Variants in LRRC4C observed in about 807,000 individuals in gnomAD.
LRRC4C encodes the protein leucine rich repeat containing 4C.
Under a neutral mutation model 33.6 loss-of-function variants are expected in LRRC4C, and 5 were observed. The observed-to-expected ratio is 0.15, with a 90% CI of 0.08 to 0.31. The LOEUF is 0.31. LRRC4C is among the 10% of genes least tolerant of loss of function. The pLI is 1.00. For synonymous variants in LRRC4C, 329 were observed against 302.0 expected (o/e 1.09, Z -0.93); for missense variants, 560 against 796.7 (o/e 0.70, Z 3.58).
At chr11:41,224,771 G>T (rs931055805) in intron 1 of LRRC4C, among the ~76,000 whole-genome samples, 15 of 152,112 alleles carry the variant, frequency 9.9e-5, no homozygotes, top group Admixed American at 2.6e-4. Flanking sequence ...ATCATATAAG[G>T]TATTCAAAAA....
At chr11:41,188,396 C>A (rs565838627) in intron 1 of LRRC4C, among the ~76,000 whole-genome samples, 3 of 152,022 alleles carry the variant, frequency 2.0e-5, no homozygotes, top group Admixed American at 6.6e-5. Context: ...AGCAGCATAG[C>A]GTAACAAGGA....
chr11:40,493,536 AGAAT>A (rs1954269576), intron 3 of LRRC4C, among the ~76,000 whole-genome samples: 1 of 152,284 alleles, frequency 6.6e-6, no homozygotes, highest in East Asian at 1.9e-4. Context: ...GGAGCTTCTC[AGAAT>A]GAATGAGTAA....
intron 5 of LRRC4C, among the ~76,000 whole-genome samples, chr11:40,143,805 C>G (rs1590508080): frequency 6.6e-6 from 1 of 152,246 alleles, no homozygotes; most frequent in South Asian, 2.1e-4. Flanking sequence ...TTTCTGTCTC[C>G]TCCAACTAGA....
intron 3 of LRRC4C, among the ~76,000 whole-genome samples, chr11:40,327,768 C>T (rs953521151): frequency 2.0e-5 from 3 of 151,962 alleles, no homozygotes; most frequent in African/African-American, 4.8e-5. Flanking sequence ...ATATCTCAAG[C>T]GGAATTCATA....
intron 1 of LRRC4C, among the ~76,000 whole-genome samples, chr11:41,094,169 A>C (rs1190355210): frequency 4.0e-5 from 6 of 151,596 alleles, no homozygotes; most frequent in Admixed American, 3.3e-4. Flanking sequence ...TCTCAAAAGC[A>C]CTTCCTCTTA....
intron 5 of LRRC4C, among the ~76,000 whole-genome samples, chr11:40,148,566 A>G (rs1857932964): frequency 6.6e-6 from 1 of 152,176 alleles, no homozygotes. Context: ...AGTTCCTTAT[A>G]GATGCTGGAT....
intron 1 of LRRC4C, among the ~76,000 whole-genome samples, chr11:41,283,916 C>A (rs1949744302): frequency 6.6e-6 from 1 of 152,178 alleles, no homozygotes; most frequent in Admixed American, 6.5e-5. Context: ...TAGTACCTAT[C>A]TTTTAGGGTT....
chr11:40,405,373 C>T (rs1295242927), intron 3 of LRRC4C, among the ~76,000 whole-genome samples: 6 of 151,934 alleles, frequency 3.9e-5, no homozygotes, highest in South Asian at 4.1e-4. Context: ...TGGTGGCTCA[C>T]GCCTGTAATC....
intron 1 of LRRC4C, among the ~76,000 whole-genome samples, chr11:40,934,531 C>T (rs1957781440): frequency 6.6e-6 from 1 of 152,156 alleles, no homozygotes; most frequent in Non-Finnish European, 1.5e-5. Context: ...GTTAGTACTG[C>T]TATAGTTTAC....
chr11:40,974,076 T>C (rs902326696), intron 1 of LRRC4C, among the ~76,000 whole-genome samples: 2 of 152,174 alleles, frequency 1.3e-5, no homozygotes, highest in African/African-American at 4.8e-5. Flanking sequence ...GTTTAGAAAG[T>C]ATTTTTAAAC....
At chr11:40,605,369 A>C (rs922153646) in intron 3 of LRRC4C, among the ~76,000 whole-genome samples, 1 of 152,186 alleles carries the variant, frequency 6.6e-6, no homozygotes, top group African/African-American at 2.4e-5. Flanking sequence ...GTGGGACGGC[A>C]GAATAGGAAG....
At chr11:40,267,852 G>A (rs1942396082) in intron 4 of LRRC4C, among the ~76,000 whole-genome samples, 1 of 152,154 alleles carries the variant, frequency 6.6e-6, no homozygotes, top group African/African-American at 2.4e-5. Flanking sequence ...TGTTAGGCTT[G>A]TATCCTAAAA....
intron 2 of LRRC4C, among the ~76,000 whole-genome samples, chr11:40,903,979 G>C (rs887954002): frequency 6.6e-6 from 1 of 151,834 alleles, no homozygotes; most frequent in Non-Finnish European, 1.5e-5. Context: ...AAATACCAGT[G>C]GCAGAAGTAA....
chr11:41,001,307 C>T (rs544553997), intron 1 of LRRC4C, among the ~76,000 whole-genome samples: 52 of 152,232 alleles, frequency 3.4e-4, no homozygotes, highest in African/African-American at 1.2e-3. Context: ...AAAAATGAAT[C>T]ATGTCTTAAG....
intron 1 of LRRC4C, among the ~76,000 whole-genome samples, chr11:40,997,990 A>C (rs1854103349): frequency 6.6e-6 from 1 of 152,096 alleles, no homozygotes; most frequent in Admixed American, 6.6e-5. Flanking sequence ...GACTGCTTTG[A>C]GAACATTACT....
chr11:40,999,673 T>C (rs1854230856), intron 1 of LRRC4C, among the ~76,000 whole-genome samples: 1 of 152,114 alleles, frequency 6.6e-6, no homozygotes, highest in African/African-American at 2.4e-5. Context: ...TAAATCAAAA[T>C]ATTGGCTAGA....
chr11:41,129,475 A>T (rs1942911518), intron 1 of LRRC4C, among the ~76,000 whole-genome samples: 1 of 152,096 alleles, frequency 6.6e-6, no homozygotes, highest in African/African-American at 2.4e-5. Context: ...CTTTGTTCAC[A>T]CAATACTAAA....
chr11:40,574,436 A>G (rs1356347261), intron 3 of LRRC4C, among the ~76,000 whole-genome samples: 1 of 152,238 alleles, frequency 6.6e-6, no homozygotes, highest in South Asian at 2.1e-4. Flanking sequence ...TTCTAAATAC[A>G]TCTATAGGCG....
chr11:40,998,414 AT>A (rs1274531144), intron 1 of LRRC4C, among the ~76,000 whole-genome samples: 1 of 152,104 alleles, frequency 6.6e-6, no homozygotes, highest in African/African-American at 2.4e-5. Flanking sequence ...CTGGGATCTA[AT>A]AAAAAATCTC....
Sources: gnomAD v4.1 joint callset for allele counts (sites outside exome capture counted in the v4.1 genomes callset) on GRCh38, gnomAD v4.1.1 for gene constraint, MANE v1.5 for transcripts, NCBI Gene and HGNC (gene_info 2026-07-23, HGNC 2026-07-21) for gene names.